FAM135B: variants seen among roughly 807,000 people sequenced by gnomAD.
The protein encoded by FAM135B is family with sequence similarity 135 member B.
FAM135B carries 43 observed loss-of-function variants against 127.7 expected under a neutral mutation model. That is an observed-to-expected ratio of 0.34 (90% CI 0.26 to 0.43). The LOEUF (loss-of-function observed/expected upper bound fraction) is 0.43, where lower values mean the gene tolerates loss of function less well. FAM135B is among the 20% of genes least tolerant of loss of function. FAM135B has a pLI of 1.00. For synonymous variants in FAM135B, 670 were observed against 665.1 expected (o/e 1.01, Z -0.11); for missense variants, 1,558 against 1,725.6 (o/e 0.90, Z 1.72).
At chr8:138,203,394 T>G (rs1328060078) in intron 7 of FAM135B, among the ~76,000 whole-genome samples, 1 of 152,208 alleles carries the variant, frequency 6.6e-6, no homozygotes, top group Non-Finnish European at 1.5e-5. Context: ...GACTTCGTTC[T>G]CACTTTGAGC....
At chr8:138,248,305 G>C (rs1013514801) in intron 6 of FAM135B, among the ~76,000 whole-genome samples, 1 of 152,152 alleles carries the variant, frequency 6.6e-6, no homozygotes, top group Non-Finnish European at 1.5e-5. Flanking sequence ...GTATTGCTCA[G>C]AATTACAGTT....
chr8:138,274,974 C>T (rs573380547), intron 3 of FAM135B, among the ~76,000 whole-genome samples: 21 of 151,554 alleles, frequency 1.4e-4, no homozygotes, highest in East Asian at 7.8e-4. Flanking sequence ...GGTCCTGAGG[C>T]GATATACATC....
intron 1 of FAM135B, among the ~76,000 whole-genome samples, chr8:138,368,298 T>G (rs1383900398): frequency 6.6e-6 from 1 of 152,040 alleles, no homozygotes; most frequent in Non-Finnish European, 1.5e-5. Context: ...GACAACAACA[T>G]CCCGGCCGAG....
chr8:138,211,445 T>A (rs1474138569), intron 7 of FAM135B, among the ~76,000 whole-genome samples: 1 of 152,170 alleles, frequency 6.6e-6, no homozygotes, highest in East Asian at 1.9e-4. Context: ...TCAAAAATAA[T>A]CTGAGCAAAT....
At chr8:138,253,889 A>G (rs1821886885) in intron 5 of FAM135B, among the ~76,000 whole-genome samples, 1 of 151,980 alleles carries the variant, frequency 6.6e-6, no homozygotes, top group African/African-American at 2.4e-5. Flanking sequence ...TCATCCTTAA[A>G]CTCAATTTAT....
intron 1 of FAM135B, among the ~76,000 whole-genome samples, chr8:138,388,513 GAATA>G (rs1832351896): frequency 6.6e-6 from 1 of 152,120 alleles, no homozygotes; most frequent in Admixed American, 6.6e-5. Flanking sequence ...GTGGGAGAAT[GAATA>G]AATAAACCAC....
intron 2 of FAM135B, among the ~76,000 whole-genome samples, chr8:138,321,838 C>T (rs1827473734): frequency 6.6e-6 from 1 of 152,170 alleles, no homozygotes; most frequent in African/African-American, 2.4e-5. Context: ...TGGAATGACT[C>T]CCCTCTTTCT....
intron 1 of FAM135B, among the ~76,000 whole-genome samples, chr8:138,449,391 C>CAGG (rs1157302402): frequency 2.6e-5 from 4 of 151,872 alleles, no homozygotes; most frequent in Non-Finnish European, 5.9e-5. Flanking sequence ...GAGGAGCCCA[C>CAGG]AGGAGGAGGA....
At chr8:138,372,606 C>T (rs73429419) in intron 1 of FAM135B, among the ~76,000 whole-genome samples, 23,585 of 152,106 alleles carry the variant, frequency 0.16, 1,910 homozygotes, top group South Asian at 0.29. Flanking sequence ...AATAATAATA[C>T]CTACTTCCTG....
chr8:138,432,632 T>G (rs1835258029), intron 1 of FAM135B, among the ~76,000 whole-genome samples: 1 of 151,990 alleles, frequency 6.6e-6, no homozygotes, highest in Admixed American at 6.6e-5. Flanking sequence ...TAGCATCAGG[T>G]ACCTCCCATC....
chr8:138,162,023 T>C (rs1405814834), intron 12 of FAM135B, among the ~76,000 whole-genome samples: 1 of 152,160 alleles, frequency 6.6e-6, no homozygotes, highest in Non-Finnish European at 1.5e-5. Flanking sequence ...ATTGTTTGCA[T>C]TGGTTTGAAA....
chr8:138,321,080 G>A (rs1481721069), intron 2 of FAM135B, among the ~76,000 whole-genome samples: 1 of 152,110 alleles, frequency 6.6e-6, no homozygotes, highest in African/African-American at 2.4e-5. Flanking sequence ...GGTCCGCAAA[G>A]CAAGGTTGGA....
intron 1 of FAM135B, among the ~76,000 whole-genome samples, chr8:138,480,690 T>C (rs929996023): frequency 1.3e-5 from 2 of 152,218 alleles, no homozygotes; most frequent in African/African-American, 4.8e-5. Flanking sequence ...ACTAGGATGA[T>C]CTCTGCATCT....
intron 14 of FAM135B, among the ~76,000 whole-genome samples, chr8:138,147,919 T>C (rs976417170): frequency 1.3e-5 from 2 of 152,136 alleles, no homozygotes; most frequent in African/African-American, 4.8e-5. Context: ...AGTGAGAAAG[T>C]TTTTTTGTTC....
In FAM135B at chr8:138,243,015, C is replaced by A. The variant is rs770462398; in HGVS notation, c.596G>T (p.Gly199Val). 1 of 1,613,922 alleles carries A rather than the reference C, an allele frequency of 6.2e-7. No individual in the cohort carries two copies. Among genetic ancestry groups the A allele is most frequent in the Non-Finnish European group, 8.5e-7 (1 of 1,179,928 alleles). ...SWLGKGGPDT[G>V]QEQSIISLEN... ...CAGAGAAATGATAGACTGTTCTTGT[C>A]CGGTGTCTGGGCCACCTTTACCAAG... is the stretch of plus-strand genomic sequence containing the variant. Residue 199 changes from glycine to valine, a missense_variant, in exon 7 of 20, where the codon GGA (glycine) becomes GTA (valine). Physicochemically the swap from Gly to Val is moderately radical, Grantham distance 109. Around this residue, in one of 5 missense-constraint regions of FAM135B, gnomAD observed 127 missense variants for 109.7 expected, o/e 1.16. Coordinates refer to ENST00000395297, the MANE Select transcript of FAM135B (RefSeq NM_015912.4). The surrounding 1 kb of genome is among the most constrained non-coding windows in gnomAD (Gnocchi z 7.5).
chr8:138,380,114 G>A (rs1203154427), intron 1 of FAM135B, among the ~76,000 whole-genome samples: 2 of 152,172 alleles, frequency 1.3e-5, no homozygotes, highest in African/African-American at 2.4e-5. Context: ...TAGTATCAGT[G>A]GTGAGTGGTG....
chr8:138,403,057 G>A (rs1195175442), intron 1 of FAM135B, among the ~76,000 whole-genome samples: 3 of 152,152 alleles, frequency 2.0e-5, no homozygotes, highest in African/African-American at 4.8e-5. Flanking sequence ...TACCTTGATC[G>A]TGGAGACCCC....
chr8:138,178,828 T>A, intron 9 of FAM135B, 138 bp from the exon 10 acceptor site: 2 of 664,484 alleles, frequency 3.0e-6, no homozygotes, highest in Non-Finnish European at 2.5e-6. Context: ...GTATTATATA[T>A]TACAACTCAT....
chr8:138,194,143 C>A (rs1245358069), intron 9 of FAM135B, among the ~76,000 whole-genome samples: 1 of 152,138 alleles, frequency 6.6e-6, no homozygotes, highest in African/African-American at 2.4e-5. Context: ...TCCTGTGTTG[C>A]CCTCCTACAG....
Sources: gnomAD v4.1 joint callset for allele counts (sites outside exome capture counted in the v4.1 genomes callset) on GRCh38, gnomAD v4.1.1 for gene constraint, gnomAD v4.1.1 regional missense constraint, Gnocchi (gnomAD v3.1) non-coding constraint, MANE v1.5 for transcripts, NCBI Gene and HGNC (gene_info 2026-07-23, HGNC 2026-07-21) for gene names.